The following GPS1 variants were observed in gnomAD, a reference collection of about 807,000 sequenced individuals.
GPS1 encodes G protein pathway suppressor 1, also known as COP9 signalosome complex subunit 1.
A neutral mutation model predicts 60.0 loss-of-function variants in GPS1; 11 were observed. That is an observed-to-expected ratio of 0.18 (90% CI 0.12 to 0.30). The LOEUF (loss-of-function observed/expected upper bound fraction) is 0.30. GPS1 is among the 10% of genes least tolerant of loss of function. The pLI, the probability that GPS1 is intolerant of heterozygous loss-of-function variation, is 1.00. For synonymous variants in GPS1, 343 were observed against 269.8 expected (o/e 1.27, Z -2.66); for missense variants, 543 against 669.2 (o/e 0.81, Z 2.08).
intron 2 of GPS1, 32 bp from the exon 3 acceptor site, chr17:82,053,836 C>T (rs909469657): frequency 1.3e-6 from 2 of 1,585,042 alleles, no homozygotes; most frequent in Admixed American, 3.4e-5. Context: ...TGCCTCCCAT[C>T]CTGCCTGACT....
chr17:82,054,445 G>A (rs777799705), intron 3 of GPS1, 65 bp from the exon 4 acceptor site: 20 of 1,437,700 alleles, frequency 1.4e-5, no homozygotes, highest in South Asian at 1.2e-4. Flanking sequence ...TGAGATTGGC[G>A]GCTTCCTCCC....
At position 82,054,889 on chromosome 17, in the gene GPS1, C is replaced by G; in HGVS notation, c.610-9C>G. The G allele has an allele frequency of 2.5e-6, 4 of 1,575,686 alleles. No homozygotes were observed. The highest frequency in any genetic ancestry group is 3.5e-6 in the Non-Finnish European group (4 of 1,158,452). On this transcript the variant is annotated splice_polypyrimidine_tract_variant and intron_variant, in intron 4 of 12. Coordinates refer to ENST00000578552, the MANE Select transcript of GPS1 (RefSeq NM_001321092.3). ...CCCGGGCTCACTTGGCTCTGCGCCC[C>G]CCCGCCAGGTCAGCGTCTACTTGCA...
At chr17:82,053,169 C>T in intron 1 of GPS1, 105 bp from the exon 2 acceptor site, 1 of 877,118 alleles carries the variant, frequency 1.1e-6, no homozygotes, top group Non-Finnish European at 1.6e-6. Flanking sequence ...GTCCGACTGG[C>T]CTGGAAGATC....
At chr17:82,051,439 G>C, upstream of GPS1, 1 of 1,356,512 alleles carries the variant, frequency 7.4e-7, no homozygotes, top group Non-Finnish European at 9.5e-7. The surrounding 1 kb of genome is among the most constrained non-coding windows in gnomAD (Gnocchi z 4.1). Context: ...GCCGGGCCTA[G>C]ACCCTGGGAG....
upstream of GPS1, chr17:82,051,421 G>C (rs1463108549): frequency 7.2e-7 from 1 of 1,384,382 alleles, no homozygotes; most frequent in Non-Finnish European, 9.3e-7. The surrounding 1 kb of genome is among the most constrained non-coding windows in gnomAD (Gnocchi z 4.1). Flanking sequence ...GAGCCTCCGG[G>C]GGCCTGGGCC....
At chr17:82,053,801 C>T (rs1364442926) in intron 2 of GPS1, 67 bp from the exon 3 acceptor site, 6 of 1,491,698 alleles carry the variant, frequency 4.0e-6, no homozygotes, top group Non-Finnish European at 5.5e-6. Flanking sequence ...CAACTCCTGA[C>T]CCTCAGGGCC....
At chr17:82,055,874 C>G in intron 7 of GPS1, 49 bp downstream of exon 7, 15 of 1,497,860 alleles carry the variant, frequency 1.0e-5, no homozygotes, top group Non-Finnish European at 1.3e-5. Flanking sequence ...GCTCATGGGT[C>G]AGGCTGCTTC....
At chr17:82,052,986 T>C in intron 1 of GPS1, 2 of 284,018 alleles carry the variant, frequency 7.0e-6, no homozygotes, top group Admixed American at 1.0e-4. Flanking sequence ...GGTTGTCCCC[T>C]GTCTGCTTTC....
Position 82,056,957 on chromosome 17 carries a change from A to G in GPS1, c.1372A>G (p.Asn458Asp), listed in dbSNP as rs1351813856. The G allele has an allele frequency of 6.2e-7, 1 of 1,612,846 alleles. No individual in the cohort carries two copies. The highest frequency in any genetic ancestry group is 1.7e-5 in the Admixed American group (1 of 60,024). Residue 458 changes from asparagine to aspartate, a missense_variant, in exon 12 of 13, where the codon AAC becomes GAC. Asn to Asp is a conservative substitution (Grantham distance 23). Coordinates refer to ENST00000578552, the MANE Select transcript of GPS1 (RefSeq NM_001321092.3). ...GATGCTGCGGGCAGCTGTGCTCCGC[A>G]ACCAGATCCATGTCAAGGTGGGCTG... ...AMMLRAAVLR[N>D]QIHVKSPPRE... is the part of the protein sequence containing the mutation.
upstream of GPS1, chr17:82,051,513 CG>C: frequency 7.2e-7 from 1 of 1,390,738 alleles, no homozygotes; most frequent in Non-Finnish European, 9.4e-7. The surrounding 1 kb of genome is among the most constrained non-coding windows in gnomAD (Gnocchi z 4.1). Flanking sequence ...CTGGCGGGCC[CG>C]GGAGATCCAG....
intron 1 of GPS1, chr17:82,052,386 A>G (rs1314576122): frequency 6.2e-7 from 1 of 1,611,902 alleles, no homozygotes; most frequent in Non-Finnish European, 8.5e-7. Context: ...AGTAGGTCAG[A>G]CCTCGTCCTG....
rs950262600 is a variant in GPS1, at chr17:82,053,171, T to G, written c.34-103T>G. On this transcript the variant is annotated intron_variant, in intron 1 of 12. Transcript: ENST00000578552. ...CGGCGGGAGTGTGGTCCGACTGGCC[T>G]GGAAGATCTTGGGCAGAGCTGACCT... 4 of 902,880 alleles carry G rather than the reference T, an allele frequency of 4.4e-6. No individual in the cohort carries two copies. In the African/African-American group the frequency reaches 5.3e-5, roughly 12 times the overall value. 55.9% of individuals were successfully genotyped at this position (902,880 alleles called of 1,614,324 possible). A position where few individuals can be genotyped will look rare whatever the true frequency, so the allele number is the denominator to read the frequency against.
intron 5 of GPS1, 35 bp downstream of exon 5, chr17:82,055,010 G>A (rs766193894): frequency 6.2e-7 from 1 of 1,612,242 alleles, no homozygotes; most frequent in South Asian, 1.1e-5. Flanking sequence ...TTGCCCCCAG[G>A]ATTCCTGACC....
Position 82,053,342 on chromosome 17 carries a change from C to T in GPS1, c.102C>T (p.Asn34=), listed in dbSNP as rs1197892853. The T allele has an allele frequency of 6.5e-7, 1 of 1,533,132 alleles. No individual in the cohort carries two copies. Among genetic ancestry groups the T allele is most frequent in the East Asian group, 2.5e-5 (1 of 39,330 alleles). 95.0% of individuals were successfully genotyped at this position (1,533,132 alleles called of 1,614,324 possible). The change falls in exon 2 of 13, where the codon AAC becomes AAT. Residue 34 remains asparagine, a synonymous_variant. Transcript: ENST00000578552. ...ACCCGCAGAATGCACCTGACGTCAA[C>T]TACGTGGTGGAGAACCCCAGCCTGG... ...QEDPQNAPDV[N]YVVENPSLDL...
Sources: allele counts gnomAD v4.1 joint callset, GRCh38; gene constraint gnomAD v4.1.1; non-coding constraint Gnocchi (gnomAD v3.1); transcripts MANE v1.5; gene names NCBI Gene and HGNC (gene_info 2026-07-23, HGNC 2026-07-21).